The following CAMK4 variants were observed in gnomAD, a reference collection of about 807,000 sequenced individuals.
CAMK4 encodes the protein calcium/calmodulin dependent protein kinase IV.
Under a neutral mutation model 44.9 loss-of-function variants are expected in CAMK4, and 22 were observed. The ratio of observed to expected loss-of-function variants is 0.49; its 90% CI spans 0.35 to 0.70. CAMK4 has a LOEUF of 0.70. CAMK4 is among the 30% of genes least tolerant of loss of function. The probability of loss-of-function intolerance (pLI) is 0.01; values close to 1 mark genes in which losing one functional copy is unlikely to be tolerated. For missense variants in CAMK4, 498 were observed against 586.8 expected, an observed-to-expected ratio of 0.85 and a Z score of 1.56; for synonymous variants, 218 against 215.4, an observed-to-expected ratio of 1.01 and a Z score of -0.11.
At chr5:111,483,755 C>G (rs1258457260) in intron 10 of CAMK4, among the ~76,000 whole-genome samples, 1 of 152,152 alleles carries the variant, frequency 6.6e-6, no homozygotes, top group East Asian at 1.9e-4. Flanking sequence ...TTAAAATTTT[C>G]AAAAATTGGT....
chr5:111,337,726 C>T (rs776568983), intron 1 of CAMK4, among the ~76,000 whole-genome samples: 32 of 151,000 alleles, frequency 2.1e-4, no homozygotes, highest in Admixed American at 7.3e-4. Context: ...AGGTCATTGG[C>T]ACTAGTAAGG....
At chr5:111,411,442 T>C (rs1752629465) in intron 5 of CAMK4, among the ~76,000 whole-genome samples, 1 of 152,234 alleles carries the variant, frequency 6.6e-6, no homozygotes, top group East Asian at 1.9e-4. Context: ...AATTCTTATG[T>C]AATGCTTTAT....
At chr5:111,425,700 C>G (rs893171852) in intron 5 of CAMK4, among the ~76,000 whole-genome samples, 3 of 152,168 alleles carry the variant, frequency 2.0e-5, no homozygotes, top group Admixed American at 6.5e-5. Flanking sequence ...AATTTATTAA[C>G]TTATTAGCTT....
chr5:111,343,859 TAAA>T (rs34578342), intron 1 of CAMK4, among the ~76,000 whole-genome samples, 162 bp from the exon 2 acceptor site: 13 of 151,428 alleles, frequency 8.6e-5, no homozygotes, highest in East Asian at 7.8e-4. Flanking sequence ...TCAATTGTGA[TAAA>T]AAAAAAAATA....
intron 5 of CAMK4, among the ~76,000 whole-genome samples, chr5:111,421,458 C>A (rs533606588): frequency 1.8e-4 from 27 of 152,334 alleles, no homozygotes; most frequent in African/African-American, 5.1e-4. Context: ...TGTTCAGCAT[C>A]CCTGGCCCCA....
intron 1 of CAMK4, among the ~76,000 whole-genome samples, chr5:111,339,001 T>C (rs1403968600): frequency 6.6e-6 from 1 of 151,356 alleles, no homozygotes; most frequent in Admixed American, 6.6e-5. Context: ...ATGATGTTAG[T>C]AGTTTGATAG....
chr5:111,467,622 C>G (rs919294094), intron 7 of CAMK4, among the ~76,000 whole-genome samples: 1 of 152,052 alleles, frequency 6.6e-6, no homozygotes, highest in Non-Finnish European at 1.5e-5. Flanking sequence ...CACTAATGAT[C>G]AGGGAATTGC....
At chr5:111,366,346 A>G (rs533745123) in intron 2 of CAMK4, among the ~76,000 whole-genome samples, 55 of 152,286 alleles carry the variant, frequency 3.6e-4, no homozygotes, top group African/African-American at 1.1e-3. Context: ...TAAAACAAAA[A>G]GAGCAGCAGT....
chr5:111,480,723 T>A (rs1403125292), intron 9 of CAMK4, among the ~76,000 whole-genome samples: 1 of 152,150 alleles, frequency 6.6e-6, no homozygotes, highest in Non-Finnish European at 1.5e-5. Flanking sequence ...TGTACCTATC[T>A]CTAGGTCGTT....
intron 5 of CAMK4, among the ~76,000 whole-genome samples, chr5:111,439,851 G>A (rs1753766251): frequency 6.6e-6 from 1 of 152,202 alleles, no homozygotes; most frequent in South Asian, 2.1e-4. Context: ...CTGATGCCAG[G>A]AACACTGGCC....
intron 5 of CAMK4, among the ~76,000 whole-genome samples, chr5:111,415,872 T>C (rs1388759258): frequency 1.3e-5 from 2 of 152,192 alleles, no homozygotes; most frequent in Admixed American, 6.5e-5. Context: ...GTATAACAAC[T>C]ATTTACATAG....
Position 111,482,132 on chromosome 5 carries a change from T to G in CAMK4, c.829-653T>G, listed in dbSNP as rs1755454012. The G allele has an allele frequency of 6.6e-6, 1 of 152,168 alleles. No individual in the cohort carries two copies. The highest frequency in any genetic ancestry group is 1.5e-5 in the Non-Finnish European group (1 of 68,052). The allele number at this position is 152,168 out of a possible 1,614,324, so 9.4% of individuals were successfully genotyped here. A position where few individuals can be genotyped will look rare whatever the true frequency, so the allele number is the denominator to read the frequency against. On this transcript the variant is annotated intron_variant, in intron 9 of 10. Transcript: ENST00000282356. The surrounding 1 kb of genome is among the most constrained non-coding windows in gnomAD (Gnocchi z 4.9). ...CTGGGAATTTATTGACTGCCCATCC[T>G]CACAAGCAGGGGTAAACCTCCAAGA...
intron 4 of CAMK4, among the ~76,000 whole-genome samples, chr5:111,394,310 A>C (rs1751917048): frequency 6.6e-6 from 1 of 152,080 alleles, no homozygotes; most frequent in African/African-American, 2.4e-5. Context: ...CGTGCTTCAA[A>C]ATAATAAGGA....
intron 1 of CAMK4, among the ~76,000 whole-genome samples, chr5:111,272,429 A>G (rs887566312): frequency 3.3e-5 from 5 of 152,138 alleles, no homozygotes; most frequent in Non-Finnish European, 7.4e-5. Flanking sequence ...CAAGGACATT[A>G]TACTCTTAAG....
At chr5:111,234,074 G>A (rs1748598200) in intron 1 of CAMK4, among the ~76,000 whole-genome samples, 1 of 152,144 alleles carries the variant, frequency 6.6e-6, no homozygotes, top group South Asian at 2.1e-4. Flanking sequence ...GTACGTTAGT[G>A]TACACAGTTT....
At chr5:111,261,822 CT>C (rs1299948558) in intron 1 of CAMK4, among the ~76,000 whole-genome samples, 1 of 152,130 alleles carries the variant, frequency 6.6e-6, no homozygotes, top group Admixed American at 6.5e-5. Context: ...CCAGTTTAGG[CT>C]CTCTGGGGCT....
chr5:111,343,892 G>T, intron 1 of CAMK4, 132 bp from the exon 2 acceptor site: 1 of 597,320 alleles, frequency 1.7e-6, no homozygotes, highest in South Asian at 2.2e-5. Context: ...GCTAGGGCTG[G>T]TCCTATAATA....
intron 7 of CAMK4, among the ~76,000 whole-genome samples, chr5:111,452,941 G>C (rs1259353728): frequency 6.6e-6 from 1 of 152,098 alleles, no homozygotes; most frequent in Admixed American, 6.5e-5. Flanking sequence ...AACTATTTTG[G>C]GGATTGAGAT....
intron 1 of CAMK4, among the ~76,000 whole-genome samples, chr5:111,255,971 A>T (rs1749725693): frequency 6.6e-6 from 1 of 152,202 alleles, no homozygotes; most frequent in South Asian, 2.1e-4. Context: ...CAGTTTCCTT[A>T]TATTTAGAAT....
Sources: gnomAD v4.1 joint callset for allele counts (sites outside exome capture counted in the v4.1 genomes callset) on GRCh38, gnomAD v4.1.1 for gene constraint, Gnocchi (gnomAD v3.1) non-coding constraint, MANE v1.5 for transcripts, NCBI Gene and HGNC (gene_info 2026-07-23, HGNC 2026-07-21) for gene names.